Variants in TLL1 observed in about 807,000 individuals in gnomAD.
TLL1 encodes the protein tolloid-like protein 1.
TLL1 carries 49 observed loss-of-function variants against 128.2 expected under a neutral mutation model. That is an observed-to-expected ratio of 0.38 (90% confidence interval 0.30 to 0.48). TLL1 has a LOEUF of 0.48. Ranked by LOEUF, TLL1 falls within the 20% of genes least tolerant of loss-of-function variation. The pLI is 0.96. For missense variants in TLL1, 1,123 were observed against 1,242.0 expected, an observed-to-expected ratio of 0.90 and a Z score of 1.44; for synonymous variants, 454 against 418.8, an observed-to-expected ratio of 1.08 and a Z score of -1.03.
chr4:166,026,232 T>C (rs1472699806), intron 9 of TLL1, among the ~76,000 whole-genome samples: 1 of 149,864 alleles, frequency 6.7e-6, no homozygotes, highest in African/African-American at 2.5e-5. Flanking sequence ...CTACTAAAAA[T>C]ACAAAAATTA....
intron 19 of TLL1, among the ~76,000 whole-genome samples, chr4:166,091,802 C>T (rs1225643807): frequency 1.3e-5 from 2 of 151,826 alleles, no homozygotes; most frequent in Non-Finnish European, 2.9e-5. Flanking sequence ...TTTGACAGAG[C>T]CTCTATTTTT....
At chr4:166,045,940 C>A (rs1274990092) in intron 12 of TLL1, among the ~76,000 whole-genome samples, 1 of 152,174 alleles carries the variant, frequency 6.6e-6, no homozygotes, top group Admixed American at 6.6e-5. Context: ...TAAATCATCA[C>A]TCTGTTTTAT....
intron 1 of TLL1, among the ~76,000 whole-genome samples, chr4:165,897,629 C>T (rs12506232): frequency 0.25 from 34,881 of 141,664 alleles, 5,288 homozygotes; most frequent in East Asian, 0.52. Context: ...GTTACTGTAG[C>T]CTTATAGTAT....
At chr4:166,003,903 G>A (rs1737282882) in intron 6 of TLL1, among the ~76,000 whole-genome samples, 1 of 151,602 alleles carries the variant, frequency 6.6e-6, no homozygotes. Flanking sequence ...AGCATTTTTT[G>A]TACTTAGTTC....
chr4:166,063,625 C>A (rs1337484357), intron 15 of TLL1, among the ~76,000 whole-genome samples: 8 of 152,104 alleles, frequency 5.3e-5, no homozygotes, highest in African/African-American at 1.4e-4. Flanking sequence ...GATTAAGAAA[C>A]TGTGGCACAT....
In TLL1 at chr4:166,055,163, G is replaced by T; in HGVS notation, c.1612G>T (p.Gly538Cys). The T allele has an allele frequency of 6.2e-7, 1 of 1,613,498 alleles. No homozygotes were observed. The highest frequency in any genetic ancestry group is 8.5e-7 in the Non-Finnish European group (1 of 1,179,726). Residue 538 changes from glycine (G) to cysteine (C), a missense_variant, in exon 13 of 21, where the codon GGT (glycine) becomes TGT (cysteine). Around this residue, in one of 3 missense-constraint regions of TLL1, gnomAD observed 634 missense variants for 672.4 expected, o/e 0.94. Coordinates refer to ENST00000061240, the MANE Select transcript of TLL1 (RefSeq NM_012464.5). ...ENSPLIGRFCGYDKPEDIRST... is the reference protein window; with the variant it reads ...ENSPLIGRFCCYDKPEDIRST... ...TAGCCCTTTGATAGGGCGTTTCTGT[G>T]GTTATGACAAACCTGAAGACATAAG...
At chr4:166,044,416 A>G in intron 12 of TLL1, 4 of 1,535,050 alleles carry the variant, frequency 2.6e-6, no homozygotes, top group Non-Finnish European at 3.5e-6. Flanking sequence ...AGAATCTCTC[A>G]TCCTCATCTG....
chr4:165,928,898 A>G (rs1733389136), intron 1 of TLL1, among the ~76,000 whole-genome samples: 1 of 151,970 alleles, frequency 6.6e-6, no homozygotes, highest in African/African-American at 2.4e-5. Context: ...AAAGTGTCTG[A>G]TTTTTTTTCC....
intron 6 of TLL1, among the ~76,000 whole-genome samples, chr4:166,006,509 T>C (rs890709096): frequency 1.6e-4 from 25 of 151,834 alleles, no homozygotes; most frequent in African/African-American, 5.3e-4. Context: ...AAGTTCTAAA[T>C]TGAAATCTTA....
At chr4:165,959,196 C>CT (rs1471209955) in intron 1 of TLL1, among the ~76,000 whole-genome samples, 8 of 151,750 alleles carry the variant, frequency 5.3e-5, no homozygotes, top group Middle Eastern at 6.8e-3. Context: ...GCGATGCGGG[C>CT]TTTTTTTTGG....
At position 165,992,601 on chromosome 4, in the gene TLL1, T is replaced by A. The variant is rs1736696788; in HGVS notation, c.281-203T>A. On this transcript the variant is annotated intron_variant, in intron 2 of 20. Transcript: ENST00000061240. ...AGTTATTTACATTGCTCTCTGAGTC[T>A]CCCCATCCCCTTATTTTAGTTACCA... Among the ~76,000 whole-genome samples the A allele has an allele frequency of 2.0e-5, 3 of 152,082 alleles. No homozygotes were observed. The South Asian group carries it at 6.2e-4, about 31-fold the overall frequency.
chr4:166,072,255 C>T (rs536679958), intron 16 of TLL1, among the ~76,000 whole-genome samples: 5 of 151,678 alleles, frequency 3.3e-5, no homozygotes, highest in African/African-American at 1.2e-4. Flanking sequence ...ATCAGATGTG[C>T]GAATGAAGGC....
intron 1 of TLL1, among the ~76,000 whole-genome samples, chr4:165,946,615 T>G (rs1245288446): frequency 1.3e-5 from 2 of 151,802 alleles, no homozygotes; most frequent in Non-Finnish European, 2.9e-5. Flanking sequence ...GCTCGAATTA[T>G]AGGCGTGAGC....
chr4:165,895,505 G>A (rs6841100), intron 1 of TLL1, among the ~76,000 whole-genome samples: 1,794 of 151,836 alleles, frequency 0.012, 32 homozygotes, highest in African/African-American at 0.04. Context: ...GAAAACCTAA[G>A]TAAATGGGAA....
intron 15 of TLL1, among the ~76,000 whole-genome samples, chr4:166,065,473 A>C (rs1459506160): frequency 6.6e-6 from 1 of 151,884 alleles, no homozygotes; most frequent in Non-Finnish European, 1.5e-5. Context: ...TCATCTCTAC[A>C]ATGGAAAGAG....
In TLL1 at chr4:166,044,088, A is replaced by G. The variant is rs552243251; in HGVS notation, c.1524+669A>G. Among the ~76,000 whole-genome samples, 58 of 152,282 alleles carry G rather than the reference A, an allele frequency of 3.8e-4. No individual in the cohort carries two copies. In the South Asian group the frequency reaches 0.011, roughly 30 times the overall value. On this transcript the variant is annotated intron_variant, in intron 12 of 20. Coordinates refer to ENST00000061240, the MANE Select transcript of TLL1 (RefSeq NM_012464.5). ...AAGCCAAGAAATAGAGGAATTTCTC[A>G]GGAACTCCAGAGTATGTTTAAATCA...
intron 19 of TLL1, among the ~76,000 whole-genome samples, chr4:166,094,069 C>T (rs1296892491): frequency 6.6e-6 from 1 of 152,100 alleles, no homozygotes; most frequent in Admixed American, 6.6e-5. Context: ...AGTCTGATCT[C>T]TCTTTCTTTT....
chr4:166,028,224 C>T (rs889279815), intron 9 of TLL1, among the ~76,000 whole-genome samples: 2 of 151,998 alleles, frequency 1.3e-5, no homozygotes, highest in African/African-American at 4.8e-5. Flanking sequence ...TGAATTCCAC[C>T]AGCTCAAAAT....
At chr4:165,902,009 C>G (rs1369735087) in intron 1 of TLL1, among the ~76,000 whole-genome samples, 3 of 152,096 alleles carry the variant, frequency 2.0e-5, no homozygotes, top group African/African-American at 2.4e-5. Flanking sequence ...TGGGTTCTGC[C>G]GAGTTCGAAC....
Sources: allele counts gnomAD v4.1 joint callset (sites outside exome capture counted in the v4.1 genomes callset), GRCh38; gene constraint gnomAD v4.1.1; regional missense constraint gnomAD v4.1.1; transcripts MANE v1.5; gene names NCBI Gene and HGNC (gene_info 2026-07-23, HGNC 2026-07-21).